Variants in DGKH observed in about 807,000 individuals in gnomAD.
The protein encoded by DGKH is diacylglycerol kinase eta, also known as DAG kinase eta.
Under a neutral mutation model 159.3 loss-of-function variants are expected in DGKH, and 90 were observed. The observed-to-expected ratio is 0.57, with a 90% CI of 0.48 to 0.67. The LOEUF is 0.67. Ranked by LOEUF, DGKH falls within the 30% of genes least tolerant of loss-of-function variation. DGKH has a pLI of 0.00. For synonymous variants in DGKH, 536 were observed against 553.8 expected (o/e 0.97, Z 0.45); for missense variants, 1,181 against 1,506.1 (o/e 0.78, Z 3.57).
chr13:42,108,294 T>C (rs1363008064), intron 1 of DGKH, among the ~76,000 whole-genome samples: 2 of 152,206 alleles, frequency 1.3e-5, no homozygotes, highest in African/African-American at 4.8e-5. Context: ...GATTGGCAGA[T>C]TAATTTAAGG....
chr13:42,183,732 GT>G (rs1319696678), intron 13 of DGKH, among the ~76,000 whole-genome samples: 1 of 152,186 alleles, frequency 6.6e-6, no homozygotes, highest in African/African-American at 2.4e-5. Flanking sequence ...GGTAATAAGA[GT>G]TATCTTCTGA....
chr13:42,094,351 A>C (rs1027883158), intron 1 of DGKH, among the ~76,000 whole-genome samples: 8 of 152,246 alleles, frequency 5.3e-5, no homozygotes, highest in African/African-American at 1.9e-4. Context: ...AGCAGCTTTA[A>C]AAGGCAAACT....
At chr13:42,215,194 A>G (rs996523554) in intron 25 of DGKH, among the ~76,000 whole-genome samples, 30 of 152,104 alleles carry the variant, frequency 2.0e-4, no homozygotes, top group Non-Finnish European at 3.2e-4. Flanking sequence ...AGTTACTTAA[A>G]TTAATATACA....
intron 1 of DGKH, among the ~76,000 whole-genome samples, chr13:42,088,694 A>G (rs1169109095): frequency 6.6e-6 from 1 of 152,184 alleles, no homozygotes; most frequent in Non-Finnish European, 1.5e-5. Context: ...GAGTTAATCC[A>G]AAAGAAGGCA....
intron 29 of DGKH, 135 bp from the exon 30 acceptor site, chr13:42,228,964 G>C (rs386165): frequency 0.8 from 547,630 of 680,798 alleles, 221,478 homozygotes; most frequent in East Asian, 0.96. Context: ...TATGTTTCTT[G>C]CTGGTTAAAT....
Position 42,048,874 on chromosome 13 carries a change from C to A in DGKH, c.101C>A (p.Pro34Gln). 1 of 1,374,608 alleles carries A rather than the reference C, an allele frequency of 7.3e-7. No individual in the cohort carries two copies. The highest frequency in any genetic ancestry group is 9.4e-7 in the Non-Finnish European group (1 of 1,059,228). The allele number at this position is 1,374,608 out of a possible 1,614,324, so 85.2% of individuals were successfully genotyped here. A position where few individuals can be genotyped will look rare whatever the true frequency, so the allele number is the denominator to read the frequency against. The part of the protein sequence containing the change: ...AVTSAAASAG[P>Q]GEDSSDSEAE... Reference sequence around the variant, plus strand: ...ACCTCCGCCGCTGCCTCGGCGGGGCCGGGAGAGGATTCGTCTGACAGCGAA... The same window carrying A: ...ACCTCCGCCGCTGCCTCGGCGGGGCAGGGAGAGGATTCGTCTGACAGCGAA... Residue 34 changes from proline to glutamine, a missense_variant, in exon 1 of 30, where the codon CCG (proline) becomes CAG (glutamine). Physicochemically the swap from Pro to Gln is moderately conservative, Grantham distance 76 (BLOSUM62 -1). Coordinates refer to ENST00000337343, the MANE Select transcript of DGKH (RefSeq NM_178009.5). The surrounding 1 kb of genome is among the most constrained non-coding windows in gnomAD (Gnocchi z 6.7).
upstream of DGKH, among the ~76,000 whole-genome samples, chr13:42,048,064 G>A (rs1880925369): frequency 6.7e-6 from 1 of 150,128 alleles, no homozygotes; most frequent in African/African-American, 2.5e-5. This position sits in a 1 kb window ranked among gnomAD's most constrained non-coding sequence, Gnocchi z 6.7. Context: ...CGTCAGGAGA[G>A]CTGAGGGGAC....
chr13:42,106,178 T>C (rs1954751255), intron 1 of DGKH, among the ~76,000 whole-genome samples: 1 of 152,074 alleles, frequency 6.6e-6, no homozygotes, highest in African/African-American at 2.4e-5. Context: ...TGGCTAGTTT[T>C]TGTATTTTTA....
chr13:42,219,090 TC>T, intron 26 of DGKH, 139 bp from the exon 27 acceptor site: 1 of 1,070,554 alleles, frequency 9.3e-7, no homozygotes, highest in East Asian at 2.6e-5. Context: ...AATTTATTCT[TC>T]TCTTAATATT....
chr13:42,195,882 G>A (rs1221449490), intron 17 of DGKH: 1 of 152,086 alleles, frequency 6.6e-6, no homozygotes, highest in East Asian at 1.9e-4. Context: ...GACAATTTAA[G>A]AATTTACAAA....
rs1566206909 is a variant in DGKH, at chr13:42,219,272, C to T, written c.3256C>T (p.His1086Tyr). Residue 1086 changes from histidine to tyrosine, a missense_variant, in exon 27 of 30, where the codon CAC becomes TAC. Physicochemically the swap from His to Tyr is moderately conservative, Grantham distance 83. This residue lies in a region of DGKH where 335 missense variants were observed against 495.2 expected (regional missense o/e 0.68). Transcript: ENST00000337343. ...PHEERVSNAL[H>Y]SVEVELQKLT... Reference sequence around the variant, plus strand: ...TGAAGAGCGAGTATCCAATGCCTTACACTCTGTGGAGGTGGAATTACAGAA... The same window carrying T: ...TGAAGAGCGAGTATCCAATGCCTTATACTCTGTGGAGGTGGAATTACAGAA... The T allele has an allele frequency of 1.2e-6, 2 of 1,613,854 alleles. No individual in the cohort carries two copies. Among genetic ancestry groups the T allele is most frequent in the Non-Finnish European group, 1.7e-6 (2 of 1,179,918 alleles).
chr13:42,212,615 C>T (rs1381071867), intron 24 of DGKH, among the ~76,000 whole-genome samples: 1 of 152,166 alleles, frequency 6.6e-6, no homozygotes, highest in Admixed American at 6.5e-5. Flanking sequence ...AGTTTGGCTT[C>T]CCATCTGTTT....
intron 1 of DGKH, among the ~76,000 whole-genome samples, chr13:42,094,779 G>C (rs1954489737): frequency 6.6e-6 from 1 of 152,130 alleles, no homozygotes; most frequent in Non-Finnish European, 1.5e-5. Flanking sequence ...CTCAAAAAGA[G>C]TGCAAATTGA....
At chr13:42,210,515 A>T in intron 23 of DGKH, 87 bp from the exon 24 acceptor site, 1 of 1,310,480 alleles carries the variant, frequency 7.6e-7, no homozygotes, top group Admixed American at 2.3e-5. Flanking sequence ...ATTAGAGAAA[A>T]AGCAATTGTA....
intron 1 of DGKH, among the ~76,000 whole-genome samples, chr13:42,100,365 A>T (rs2137772021): frequency 6.6e-6 from 1 of 152,302 alleles, no homozygotes; most frequent in East Asian, 1.9e-4. Flanking sequence ...GAGTTGAATT[A>T]TTTTATTATA....
chr13:42,055,959 T>C (rs912418043), intron 1 of DGKH, among the ~76,000 whole-genome samples: 1 of 152,172 alleles, frequency 6.6e-6, no homozygotes, highest in Non-Finnish European at 1.5e-5. Context: ...AGACAAACTT[T>C]AGCAAAACAA....
At chr13:42,198,771 G>A (rs942502695) in intron 18 of DGKH, among the ~76,000 whole-genome samples, 176 bp downstream of exon 18, 1 of 151,822 alleles carries the variant, frequency 6.6e-6, no homozygotes, top group African/African-American at 2.4e-5. Context: ...TTAAAATTCA[G>A]TGGTCTCCGT....
intron 1 of DGKH, among the ~76,000 whole-genome samples, chr13:42,108,363 G>A (rs1954800531): frequency 1.3e-5 from 2 of 152,150 alleles, no homozygotes; most frequent in South Asian, 4.1e-4. Flanking sequence ...GAGTTCTGGG[G>A]TTCCTAAGCA....
intron 1 of DGKH, among the ~76,000 whole-genome samples, chr13:42,100,465 A>G (rs1182959): frequency 0.82 from 123,871 of 151,978 alleles, 50,989 homozygotes; most frequent in African/African-American, 0.91. Flanking sequence ...CCCCCGATCC[A>G]TGGAAAAACT....
Sources: gnomAD v4.1 joint callset for allele counts (sites outside exome capture counted in the v4.1 genomes callset) on GRCh38, gnomAD v4.1.1 for gene constraint, gnomAD v4.1.1 regional missense constraint, Gnocchi (gnomAD v3.1) non-coding constraint, MANE v1.5 for transcripts, NCBI Gene and HGNC (gene_info 2026-07-23, HGNC 2026-07-21) for gene names.